The following PVR variants were observed in gnomAD, a reference collection of about 807,000 sequenced individuals.
The protein encoded by PVR is poliovirus receptor.
PVR carries 39 observed loss-of-function variants against 43.3 expected under a neutral mutation model. The observed-to-expected ratio is 0.90, with a 90% CI of 0.70 to 1.18. The LOEUF is 1.18. Ranked by LOEUF, PVR falls within the 50% of genes most tolerant of loss-of-function variation. The pLI is 0.00. For missense variants in PVR, 480 were observed against 549.7 expected (o/e 0.87, Z 1.27); for synonymous variants, 224 against 233.2 (o/e 0.96, Z 0.36).
intron 1 of PVR, 152 bp downstream of exon 1, chr19:44,644,327 G>T (rs997484573): frequency 8.5e-6 from 5 of 585,364 alleles, no homozygotes; most frequent in Non-Finnish European, 1.4e-5. Context: ...GGAACACGGT[G>T]CGAGGGTGCG....
At position 44,646,664 on chromosome 19, in the gene PVR, C is replaced by T. The variant is rs150914051; in HGVS notation, c.80-559C>T. ...GTGGGAGCCTGTCATCCCAGCTACG[C>T]GGAAAGCTGAGGCAGGAGAACCGCT... On this transcript the variant is annotated intron_variant, in intron 1 of 7. Transcript: ENST00000425690. 3.1e-3 allele frequency among the ~76,000 whole-genome samples: 477 copies of T among 152,052 alleles called. 8 individuals are homozygous for T. Among genetic ancestry groups the T allele is most frequent in the Non-Finnish European group, 4.0e-4 (27 of 67,988 alleles).
At chr19:44,644,208 G>A in intron 1 of PVR, 33 bp downstream of exon 1, 1 of 1,450,334 alleles carries the variant, frequency 6.9e-7, no homozygotes, top group Admixed American at 2.7e-5. Flanking sequence ...GGTGGCCCCT[G>A]TCTGGCTCCC....
At chr19:44,658,264 CCT>C (rs1973506162) in intron 5 of PVR, among the ~76,000 whole-genome samples, 1 of 152,186 alleles carries the variant, frequency 6.6e-6, no homozygotes, top group Non-Finnish European at 1.5e-5. Flanking sequence ...TGAAAATTCA[CCT>C]TCAGGTATGG....
rs1443007731 is a variant in PVR at position 44,662,096 on chromosome 19, A to G, written c.*285A>G. The G allele has an allele frequency of 4.4e-6, 2 of 458,048 alleles. No individual in the cohort carries two copies. The highest frequency in any genetic ancestry group is 8.0e-6 in the Non-Finnish European group (2 of 249,080). The allele number at this position is 458,048 out of a possible 1,614,324, so 28.4% of individuals were successfully genotyped here. ...TAAGATCAGCAAAGGGAGGAGGTGC[A>G]CAGCACACGTTCCACGACAGATGAG... On this transcript the variant is annotated 3_prime_UTR_variant, in exon 8 of 8. Transcript: ENST00000425690.
intron 1 of PVR, among the ~76,000 whole-genome samples, chr19:44,646,035 T>C (rs1298578288): frequency 6.6e-6 from 1 of 152,072 alleles, no homozygotes; most frequent in African/African-American, 2.4e-5. Context: ...CTGTGTCAGT[T>C]TCCCTGTCTG....
At chr19:44,659,748 C>T (rs1056375721) in intron 6 of PVR, among the ~76,000 whole-genome samples, 1 of 152,228 alleles carries the variant, frequency 6.6e-6, no homozygotes, top group African/African-American at 2.4e-5. Flanking sequence ...TCCCAAAGTG[C>T]TGGGATTACA....
Position 44,661,891 on chromosome 19 carries a change from T to C in PVR, c.*80T>C. ...CAGAGTTGGACCCGACCCCAATGGATGAAGACCCCCTCCAAAGAGACCAGC... is the reference window on the plus strand; with the variant it reads ...CAGAGTTGGACCCGACCCCAATGGACGAAGACCCCCTCCAAAGAGACCAGC... On this transcript the variant is annotated 3_prime_UTR_variant, in exon 8 of 8. Transcript: ENST00000425690. 1 of 1,323,528 alleles carries C rather than the reference T, an allele frequency of 7.6e-7. No homozygotes were observed. Among genetic ancestry groups the C allele is most frequent in the East Asian group, 2.3e-5 (1 of 43,218 alleles). 82.0% of individuals were successfully genotyped at this position (1,323,528 alleles called of 1,614,324 possible).
At chr19:44,657,482 G>A (rs1020615338) in intron 4 of PVR, among the ~76,000 whole-genome samples, 3 of 152,208 alleles carry the variant, frequency 2.0e-5, no homozygotes, top group African/African-American at 4.8e-5. Context: ...GCGTGGAGGC[G>A]GCTGCTGGGG....
Position 44,662,147 on chromosome 19 carries a change from C to T in PVR, c.*336C>T. The T allele has an allele frequency of 6.6e-6, 2 of 300,786 alleles. No homozygotes were observed. Among genetic ancestry groups the T allele is most frequent in the Non-Finnish European group, 1.3e-5 (2 of 156,828 alleles). 18.6% of individuals were successfully genotyped at this position (300,786 alleles called of 1,614,324 possible). Reference sequence around the variant, plus strand: ...GCGACGGCTTCCATCTGCCCTCTCCCAGTGGAGCCATATAGGCAGCACCTG... The same window carrying T: ...GCGACGGCTTCCATCTGCCCTCTCCTAGTGGAGCCATATAGGCAGCACCTG... On this transcript the variant is annotated 3_prime_UTR_variant, in exon 8 of 8. Coordinates refer to ENST00000425690, the MANE Select transcript of PVR (RefSeq NM_006505.5).
intron 1 of PVR, among the ~76,000 whole-genome samples, chr19:44,645,941 G>A (rs1370841611): frequency 2.0e-5 from 3 of 152,036 alleles, no homozygotes; most frequent in African/African-American, 7.3e-5. Context: ...AGGACCTGGG[G>A]GATTAGAGGT....
intron 3 of PVR, among the ~76,000 whole-genome samples, chr19:44,652,049 C>T (rs1973295800): frequency 6.6e-6 from 1 of 151,932 alleles, no homozygotes; most frequent in African/African-American, 2.4e-5. Context: ...CCCAGCTACT[C>T]GGGAGACTGA....
intron 3 of PVR, among the ~76,000 whole-genome samples, chr19:44,652,225 G>T (rs1973301386): frequency 6.6e-6 from 1 of 152,122 alleles, no homozygotes; most frequent in South Asian, 2.1e-4. Context: ...TTGAGACGGG[G>T]TCTTACTCTG....
chr19:44,661,564 C>T (rs182379780), intron 7 of PVR, among the ~76,000 whole-genome samples, 176 bp from the exon 8 acceptor site: 4 of 152,258 alleles, frequency 2.6e-5, no homozygotes, highest in Admixed American at 6.5e-5. Flanking sequence ...CTCTCTCCCC[C>T]CTGCCCCACG....
At chr19:44,649,427 CTT>C (rs35536545) in intron 2 of PVR, among the ~76,000 whole-genome samples, 20 of 125,422 alleles carry the variant, frequency 1.6e-4, no homozygotes, top group East Asian at 2.4e-4. Flanking sequence ...CATTCTGTAT[CTT>C]TTTTTTTTTT....
chr19:44,647,488 A>G lies in PVR; in HGVS notation c.345A>G (p.Val115=). The change falls in exon 2 of 8, where the codon GTA becomes GTG. Residue 115 remains valine, a synonymous_variant. Transcript: ENST00000425690. Reference sequence around the variant, plus strand: ...CGCTGAGGATGTTCGGGTTGCGCGTAGAGGATGAAGGCAACTACACCTGCC... The same window carrying G: ...CGCTGAGGATGTTCGGGTTGCGCGTGGAGGATGAAGGCAACTACACCTGCC... The part of the protein sequence containing the change: ...NASLRMFGLR[V]EDEGNYTCLF... The G allele has an allele frequency of 6.2e-7, 1 of 1,614,128 alleles. No homozygotes were observed. The highest frequency in any genetic ancestry group is 8.5e-7 in the Non-Finnish European group (1 of 1,180,016).
At position 44,661,856 on chromosome 19, in the gene PVR, C is replaced by A; in HGVS notation, c.*45C>A. 1 of 1,574,076 alleles carries A rather than the reference C, an allele frequency of 6.4e-7. No individual in the cohort carries two copies. Among genetic ancestry groups the A allele is most frequent in the Non-Finnish European group, 8.7e-7 (1 of 1,146,122 alleles). On this transcript the variant is annotated 3_prime_UTR_variant, in exon 8 of 8. Coordinates refer to ENST00000425690, the MANE Select transcript of PVR (RefSeq NM_006505.5). ...GGAGAGAGACTGGAGCTGGCAAGGACGTGGGCCTCCAGAGTTGGACCCGAC... is the reference window on the plus strand; with the variant it reads ...GGAGAGAGACTGGAGCTGGCAAGGAAGTGGGCCTCCAGAGTTGGACCCGAC...
intron 1 of PVR, 41 bp from the exon 2 acceptor site, chr19:44,647,182 G>A (rs967300401): frequency 2.1e-6 from 3 of 1,430,706 alleles, no homozygotes; most frequent in African/African-American, 2.9e-5. Flanking sequence ...TCTAGTCCAA[G>A]AACGCCCCGG....
Position 44,645,443 on chromosome 19 carries a change from A to ATATATATATATAT in PVR, c.79+1270_79+1271insTATATATATATTA, listed in dbSNP as rs1412998383. Reference sequence around the variant, plus strand: ...TATATATATATATATATATATATATATAGTGCGTGTGTGCGTGTATGTGTG... The same window carrying ATATATATATATAT: ...TATATATATATATATATATATATATATATATATATATATTAGTGCGTGTGTGCGTGTATGTGTG... On this transcript the variant is annotated intron_variant, in intron 1 of 7. Coordinates refer to ENST00000425690, the MANE Select transcript of PVR (RefSeq NM_006505.5). 4.0e-3 allele frequency among the ~76,000 whole-genome samples: 464 copies of ATATATATATATAT among 115,560 alleles called. 5 individuals carry two copies. Among genetic ancestry groups the ATATATATATATAT allele is most frequent in the Non-Finnish European group, 6.1e-3 (367 of 60,014 alleles). The allele number at this position is 115,560 out of a possible 152,430, so 75.8% of individuals were successfully genotyped here. A position where few individuals can be genotyped will look rare whatever the true frequency, so the allele number is the denominator to read the frequency against.
At chr19:44,650,631 C>T (rs1973257048) in intron 3 of PVR, among the ~76,000 whole-genome samples, 1 of 147,040 alleles carries the variant, frequency 6.8e-6, no homozygotes, top group Non-Finnish European at 1.5e-5. Context: ...GGCATGTTCT[C>T]GGCTCACTGT....
Sources: allele counts gnomAD v4.1 joint callset (sites outside exome capture counted in the v4.1 genomes callset), GRCh38; gene constraint gnomAD v4.1.1; transcripts MANE v1.5; gene names NCBI Gene and HGNC (gene_info 2026-07-23, HGNC 2026-07-21).